Variants in USP24 observed in about 807,000 individuals in gnomAD.
The protein encoded by USP24 is ubiquitin specific peptidase 24, also known as ubiquitin carboxyl-terminal hydrolase 24.
In USP24, 97 loss-of-function variants were observed where a neutral mutation model predicts 361.6. The observed-to-expected ratio is 0.27, with a 90% CI of 0.23 to 0.32. The LOEUF is 0.32. Ranked by LOEUF, USP24 falls within the 10% of genes least tolerant of loss-of-function variation. The pLI is 1.00. For missense variants in USP24, 2,353 were observed against 3,165.6 expected, an observed-to-expected ratio of 0.74 and a Z score of 6.16; for synonymous variants, 1,098 against 1,124.6, an observed-to-expected ratio of 0.98 and a Z score of 0.47.
intron 16 of USP24, among the ~76,000 whole-genome samples, chr1:55,150,621 A>C (rs1647167576): frequency 6.6e-6 from 1 of 152,206 alleles, no homozygotes; most frequent in Admixed American, 6.5e-5. Context: ...TGGCCAATTA[A>C]GTCAATTATG....
At chr1:55,125,784 G>T (rs1438049686) in intron 32 of USP24, 26 bp from the exon 33 acceptor site, 1 of 1,521,882 alleles carries the variant, frequency 6.6e-7, no homozygotes, top group Non-Finnish European at 8.9e-7. Context: ...AAAAAGGCAG[G>T]ATATTAAAGA....
At chr1:55,211,202 G>C (rs531059398) in intron 1 of USP24, among the ~76,000 whole-genome samples, 126 of 152,262 alleles carry the variant, frequency 8.3e-4, no homozygotes, top group Non-Finnish European at 1.5e-3. Flanking sequence ...ATTCTGACAG[G>C]GGGGTGGTTA....
chr1:55,096,915 C>A, intron 49 of USP24, 37 bp downstream of exon 49: 1 of 1,594,416 alleles, frequency 6.3e-7, no homozygotes, highest in Non-Finnish European at 8.6e-7. Flanking sequence ...CAGGGGAGGG[C>A]AGAAAGTGAG....
chr1:55,115,216 C>T (rs1184894312), intron 38 of USP24, among the ~76,000 whole-genome samples: 3 of 151,882 alleles, frequency 2.0e-5, no homozygotes, highest in South Asian at 4.2e-4. Context: ...CATAGAATGG[C>T]GATCATTAAA....
intron 35 of USP24, 24 bp downstream of exon 35, chr1:55,124,445 T>C (rs992060969): frequency 3.1e-6 from 5 of 1,598,320 alleles, no homozygotes; most frequent in Middle Eastern, 1.7e-4. Context: ...AGTGTTCTCA[T>C]TACTGTCTCT....
At chr1:55,107,841 C>CAAAAAAAAAAAAA (rs777328294) in intron 39 of USP24, among the ~76,000 whole-genome samples, 6 of 38,238 alleles carry the variant, frequency 1.6e-4, no homozygotes, top group African/African-American at 4.8e-4. Context: ...GACTCTGTCT[C>CAAAAAAAAAAAAA]AAAAAAAAAA....
chr1:55,165,503 T>C (rs1648740532), intron 7 of USP24, among the ~76,000 whole-genome samples: 1 of 152,158 alleles, frequency 6.6e-6, no homozygotes, highest in South Asian at 2.1e-4. Context: ...GTTAAAAGTA[T>C]TTTTATTTGT....
rs533944091 is a variant in USP24, at chr1:55,125,438, C to T, written c.3842G>A (p.Ser1281Asn). 1.9e-6 allele frequency: 3 copies of T among 1,613,968 alleles called. No individual in the cohort carries two copies. Among genetic ancestry groups the T allele is most frequent in the African/African-American group, 2.7e-5 (2 of 75,040 alleles). The change falls in exon 34 of 68, where the codon AGC becomes AAC. Residue 1281 changes from serine to asparagine, a missense_variant. Physicochemically the swap from Ser to Asn is conservative, Grantham distance 46. This residue lies in a region of USP24 where 949 missense variants were observed against 1,280.5 expected (regional missense o/e 0.74). Transcript: ENST00000294383. ...RPFRNVSRQT[S>N]RQMSLCGTPE... ...GGTACCACATAAGGACATCTGTCTG[C>T]TTGTCTGCCGGCTGACATTTCGGAA...
chr1:55,111,859 A>G (rs76591635), intron 38 of USP24, among the ~76,000 whole-genome samples: 3,739 of 152,224 alleles, frequency 0.025, 56 homozygotes, highest in Non-Finnish European at 0.037. Flanking sequence ...TTTCAAAATA[A>G]TATTTATGTA....
intron 38 of USP24, among the ~76,000 whole-genome samples, chr1:55,120,317 A>C (rs1182013585): frequency 6.6e-6 from 1 of 152,166 alleles, no homozygotes; most frequent in African/African-American, 2.4e-5. Context: ...ACCGGGCTCC[A>C]ATAATTCCAG....
intron 16 of USP24, among the ~76,000 whole-genome samples, chr1:55,153,661 T>C (rs931123375): frequency 2.4e-4 from 37 of 152,184 alleles, no homozygotes; most frequent in African/African-American, 8.9e-4. Flanking sequence ...ACTCTTTGAA[T>C]GTGATCCTAG....
At chr1:55,147,596 A>T in intron 18 of USP24, 53 bp downstream of exon 18, 6 of 1,506,890 alleles carry the variant, frequency 4.0e-6, no homozygotes, top group Non-Finnish European at 5.3e-6. Flanking sequence ...TATAAGTATA[A>T]AAAGGTCAAA....
intron 5 of USP24, among the ~76,000 whole-genome samples, chr1:55,166,889 C>A (rs1648922773): frequency 6.6e-6 from 1 of 152,002 alleles, no homozygotes; most frequent in Non-Finnish European, 1.5e-5. Flanking sequence ...TACAGGATAA[C>A]CTGAGTTAAA....
Position 55,126,392 on chromosome 1 carries a change from C to T in USP24, c.3636-634G>A, listed in dbSNP as rs558125640. Among the ~76,000 whole-genome samples the T allele has an allele frequency of 3.3e-5, 5 of 151,992 alleles. No individual in the cohort carries two copies. In the South Asian group the frequency reaches 6.2e-4, roughly 19 times the overall value. On this transcript the variant is annotated intron_variant, in intron 32 of 67. Transcript: ENST00000294383. ...TCACCCTACTGAAAATCATAGCCCC[C>T]GAATCCCTGCTTCCTTCTTTATTTT...
At chr1:55,071,554 A>T in intron 67 of USP24, 4 of 1,282,660 alleles carry the variant, frequency 3.1e-6, no homozygotes, top group Non-Finnish European at 4.0e-6. Context: ...CTTCATCGGG[A>T]CTACCTGCAG....
At position 55,104,375 on chromosome 1, in the gene USP24, C is replaced by T. The variant is rs151108881; in HGVS notation, c.4881-355G>A. Among the ~76,000 whole-genome samples the T allele has an allele frequency of 4.8e-3, 725 of 152,104 alleles. 5 individuals are homozygous for T. The highest frequency in any genetic ancestry group is 0.016 in the African/African-American group (667 of 41,508). On this transcript the variant is annotated intron_variant, in intron 41 of 67. Transcript: ENST00000294383. Reference sequence around the variant, plus strand: ...AAATAGGTAAGTAGAAAGATTTTATCGCTGTCATCCTAAGAAGATCTTAGG... The same window carrying T: ...AAATAGGTAAGTAGAAAGATTTTATTGCTGTCATCCTAAGAAGATCTTAGG...
At chr1:55,160,345 C>T (rs1208507042) in intron 8 of USP24, among the ~76,000 whole-genome samples, 1 of 152,192 alleles carries the variant, frequency 6.6e-6, no homozygotes, top group Admixed American at 6.5e-5. Flanking sequence ...GATAGAATTT[C>T]TTCTTTTACA....
intron 7 of USP24, among the ~76,000 whole-genome samples, chr1:55,164,916 G>C (rs1054325900): frequency 5.3e-5 from 8 of 151,726 alleles, no homozygotes; most frequent in Non-Finnish European, 1.2e-4. Flanking sequence ...TTGATCTATT[G>C]AATGGGGATC....
At chr1:55,197,391 GT>G (rs1258986471) in intron 1 of USP24, among the ~76,000 whole-genome samples, 2 of 152,086 alleles carry the variant, frequency 1.3e-5, no homozygotes, top group African/African-American at 4.8e-5. Flanking sequence ...GAATTGTTTT[GT>G]TTGTTCCATT....
Sources: gnomAD v4.1 joint callset for allele counts (sites outside exome capture counted in the v4.1 genomes callset) on GRCh38, gnomAD v4.1.1 for gene constraint, gnomAD v4.1.1 regional missense constraint, MANE v1.5 for transcripts, NCBI Gene and HGNC (gene_info 2026-07-23, HGNC 2026-07-21) for gene names.